Variants in CPQ observed in about 807,000 individuals in gnomAD.
CPQ encodes carboxypeptidase Q.
A neutral mutation model predicts 45.7 loss-of-function variants in CPQ; 37 were observed. The ratio of observed to expected loss-of-function variants is 0.81; its 90% CI spans 0.62 to 1.07. The LOEUF (loss-of-function observed/expected upper bound fraction) is 1.07. Among genes scored for constraint, CPQ ranks in the 50% least tolerant of loss-of-function variants. The probability of loss-of-function intolerance (pLI) is 0.00; values close to 1 mark genes in which losing one functional copy is unlikely to be tolerated. For synonymous variants in CPQ, 186 were observed against 205.8 expected (o/e 0.90, Z 0.82); for missense variants, 537 against 572.9 (o/e 0.94, Z 0.64).
intron 7 of CPQ, among the ~76,000 whole-genome samples, chr8:97,072,613 C>T (rs1810765675): frequency 6.6e-6 from 1 of 152,122 alleles, no homozygotes; most frequent in Non-Finnish European, 1.5e-5. Context: ...CCTTTCTATC[C>T]ATCTCTCAGT....
At chr8:97,119,328 CAAA>C (rs34998181) in intron 7 of CPQ, among the ~76,000 whole-genome samples, 3 of 72,326 alleles carry the variant, frequency 4.1e-5, no homozygotes, top group African/African-American at 4.8e-5. Context: ...GACTCCATCT[CAAA>C]AAAAAAAAAA....
intron 6 of CPQ, among the ~76,000 whole-genome samples, chr8:97,034,621 G>GTA (rs2130477431): frequency 6.6e-6 from 1 of 152,262 alleles, no homozygotes; most frequent in Non-Finnish European, 1.5e-5. Flanking sequence ...TTTGGAAAAT[G>GTA]TATACCCCTA....
At chr8:96,756,987 T>C (rs1810334349) in intron 1 of CPQ, among the ~76,000 whole-genome samples, 1 of 152,158 alleles carries the variant, frequency 6.6e-6, no homozygotes, top group South Asian at 2.1e-4. Flanking sequence ...GTCCTTGTTT[T>C]TCTGAAAATG....
At chr8:97,069,559 G>T (rs879873942) in intron 7 of CPQ, among the ~76,000 whole-genome samples, 2 of 151,294 alleles carry the variant, frequency 1.3e-5, no homozygotes, top group Non-Finnish European at 2.9e-5. Context: ...GTCTGAAAAA[G>T]AAAAAAGTAA....
At chr8:96,926,485 A>T (rs72664528) in intron 4 of CPQ, among the ~76,000 whole-genome samples, 3,267 of 152,118 alleles carry the variant, frequency 0.021, 54 homozygotes, top group Non-Finnish European at 0.034. Flanking sequence ...TTGAAAAGCG[A>T]TGTACAAATT....
intron 1 of CPQ, among the ~76,000 whole-genome samples, chr8:96,765,464 C>CT (rs1157826087): frequency 6.6e-6 from 1 of 151,802 alleles, no homozygotes; most frequent in Non-Finnish European, 1.5e-5. Context: ...GAAAGCAGGG[C>CT]TTACTAGTGC....
At chr8:96,931,718 A>G (rs1257655250) in intron 4 of CPQ, among the ~76,000 whole-genome samples, 4 of 152,170 alleles carry the variant, frequency 2.6e-5, no homozygotes, top group Non-Finnish European at 4.4e-5. Context: ...AGTGTCTCAG[A>G]CTTCGAGACT....
chr8:96,879,721 C>A, intron 3 of CPQ, 77 bp from the exon 4 acceptor site: 1 of 964,444 alleles, frequency 1.0e-6, no homozygotes, highest in East Asian at 2.4e-5. Context: ...AGTTAAATAT[C>A]AATATACAGG....
intron 7 of CPQ, among the ~76,000 whole-genome samples, chr8:97,136,487 C>A (rs1812061371): frequency 6.6e-6 from 1 of 152,202 alleles, no homozygotes; most frequent in Non-Finnish European, 1.5e-5. Flanking sequence ...GCCCTGTTTG[C>A]TGATTGAGGA....
chr8:96,735,565 T>G (rs1168004842), intron 1 of CPQ, among the ~76,000 whole-genome samples: 1 of 152,258 alleles, frequency 6.6e-6, no homozygotes, highest in Non-Finnish European at 1.5e-5. Flanking sequence ...TGTAACTTCT[T>G]TGGACTGTGT....
At chr8:97,124,225 CAAAAAAAAAA>C (rs34933920) in intron 7 of CPQ, among the ~76,000 whole-genome samples, 2 of 42,562 alleles carry the variant, frequency 4.7e-5, no homozygotes, top group African/African-American at 8.6e-5. Flanking sequence ...GACTCCGTCT[CAAAAAAAAAA>C]AAAAAAAAAA....
At chr8:96,839,103 A>G (rs1181535584) in intron 3 of CPQ, among the ~76,000 whole-genome samples, 1 of 151,380 alleles carries the variant, frequency 6.6e-6, no homozygotes, top group African/African-American at 2.4e-5. Context: ...TTATATATAT[A>G]TATATATATT....
chr8:96,884,649 A>G (rs2130884788), intron 4 of CPQ, among the ~76,000 whole-genome samples: 1 of 152,326 alleles, frequency 6.6e-6, no homozygotes, highest in East Asian at 1.9e-4. Context: ...AAGGAAATGT[A>G]TGATGGTGAA....
intron 2 of CPQ, among the ~76,000 whole-genome samples, chr8:96,792,367 A>G (rs1196387627): frequency 6.6e-6 from 1 of 152,208 alleles, no homozygotes; most frequent in African/African-American, 2.4e-5. Flanking sequence ...TGGGCAGACT[A>G]TGCGGTTCTT....
intron 6 of CPQ, among the ~76,000 whole-genome samples, chr8:97,044,641 G>A (rs1810199824): frequency 6.6e-6 from 1 of 152,106 alleles, no homozygotes; most frequent in Non-Finnish European, 1.5e-5. Context: ...TTTGATGATG[G>A]TGATGTACAG....
intron 3 of CPQ, among the ~76,000 whole-genome samples, chr8:96,860,796 T>C (rs1026165646): frequency 1.3e-5 from 2 of 152,144 alleles, no homozygotes; most frequent in African/African-American, 4.8e-5. Flanking sequence ...AAAAATTCCT[T>C]ATTCCTTTTT....
At chr8:97,080,505 C>G (rs970208150) in intron 7 of CPQ, among the ~76,000 whole-genome samples, 2 of 152,140 alleles carry the variant, frequency 1.3e-5, no homozygotes, top group Admixed American at 6.6e-5. Context: ...GGACTTTTTA[C>G]TATAAAAATA....
At chr8:96,656,333 C>G (rs1815637130) in intron 1 of CPQ, among the ~76,000 whole-genome samples, 1 of 152,260 alleles carries the variant, frequency 6.6e-6, no homozygotes, top group East Asian at 1.9e-4. Context: ...TGGCTCGGCT[C>G]CCATGCTTCG....
intron 1 of CPQ, among the ~76,000 whole-genome samples, chr8:96,736,839 A>T (rs1214947452): frequency 6.6e-6 from 1 of 152,162 alleles, no homozygotes; most frequent in Non-Finnish European, 1.5e-5. Context: ...AGATTTTCTG[A>T]ATCTCTCTGA....
Sources: allele counts gnomAD v4.1 joint callset (sites outside exome capture counted in the v4.1 genomes callset), GRCh38; gene constraint gnomAD v4.1.1; transcripts MANE v1.5; gene names NCBI Gene and HGNC (gene_info 2026-07-23, HGNC 2026-07-21).